EXOC6B: variants seen among roughly 807,000 people sequenced by gnomAD.
EXOC6B encodes the protein exocyst complex component 6B, also known as SEC15 homolog B.
EXOC6B carries 54 observed loss-of-function variants against 113.5 expected under a neutral mutation model. The observed-to-expected ratio is 0.48, with a 90% CI of 0.38 to 0.60. The LOEUF is 0.60. Among genes scored for constraint, EXOC6B ranks in the 20% least tolerant of loss-of-function variants. The probability of loss-of-function intolerance (pLI) is 0.00; values close to 1 mark genes in which losing one functional copy is unlikely to be tolerated. For synonymous variants in EXOC6B, 357 were observed against 339.0 expected, an observed-to-expected ratio of 1.05 and a Z score of -0.58; for missense variants, 797 against 977.5, an observed-to-expected ratio of 0.82 and a Z score of 2.46.
At chr2:72,704,162 G>C (rs1024464188) in intron 6 of EXOC6B, among the ~76,000 whole-genome samples, 2 of 149,618 alleles carry the variant, frequency 1.3e-5, no homozygotes, top group African/African-American at 2.5e-5. Context: ...TAGAACTCAG[G>C]ATTAAGAATC....
rs549638394 is a variant in EXOC6B at position 72,526,191 on chromosome 2, T to C, written c.916-11065A>G. Among the ~76,000 whole-genome samples the C allele has an allele frequency of 2.0e-4, 30 of 152,084 alleles. 1 individual carries two copies. In the South Asian group the frequency reaches 4.8e-3, roughly 24 times the overall value. ...CTCTGAACAATTTCTAAAGGGCCAATAGGAAAATGTGGCATTTAAAAATGT... is the reference window on the plus strand; with the variant it reads ...CTCTGAACAATTTCTAAAGGGCCAACAGGAAAATGTGGCATTTAAAAATGT... On this transcript the variant is annotated intron_variant, in intron 8 of 21. Coordinates refer to ENST00000272427, the MANE Select transcript of EXOC6B (RefSeq NM_015189.3).
chr2:72,389,301 C>T (rs1246561088), intron 18 of EXOC6B, among the ~76,000 whole-genome samples: 1 of 151,892 alleles, frequency 6.6e-6, no homozygotes, highest in African/African-American at 2.4e-5. Context: ...TTATATTACA[C>T]AATTCCATAT....
intron 6 of EXOC6B, among the ~76,000 whole-genome samples, chr2:72,689,794 G>C (rs1433758273): frequency 6.6e-6 from 1 of 152,156 alleles, no homozygotes; most frequent in Non-Finnish European, 1.5e-5. Flanking sequence ...GCAGCACAGG[G>C]GACATAGCTA....
chr2:72,290,964 T>G (rs958994586), intron 20 of EXOC6B, among the ~76,000 whole-genome samples: 2 of 152,194 alleles, frequency 1.3e-5, no homozygotes, highest in Admixed American at 1.3e-4. Flanking sequence ...AAAATCTGAA[T>G]TTTTCTTTAG....
At chr2:72,500,669 A>G (rs1700269806) in intron 11 of EXOC6B, among the ~76,000 whole-genome samples, 1 of 152,206 alleles carries the variant, frequency 6.6e-6, no homozygotes, top group Admixed American at 6.5e-5. Context: ...TCCATGTATA[A>G]CCTCATATCA....
intron 6 of EXOC6B, among the ~76,000 whole-genome samples, chr2:72,654,648 C>A (rs947765973): frequency 1.3e-5 from 2 of 152,118 alleles, no homozygotes; most frequent in Non-Finnish European, 2.9e-5. Context: ...AATGAGGAAT[C>A]TTTTCTTTCT....
intron 1 of EXOC6B, among the ~76,000 whole-genome samples, chr2:72,805,265 CTT>C (rs1444287961): frequency 1.3e-5 from 2 of 152,124 alleles, no homozygotes; most frequent in Non-Finnish European, 2.9e-5. Context: ...TTAGAATTAA[CTT>C]ATAATAAATT....
intron 2 of EXOC6B, among the ~76,000 whole-genome samples, chr2:72,737,465 G>C (rs1681039369): frequency 6.6e-6 from 1 of 152,156 alleles, no homozygotes; most frequent in Admixed American, 6.5e-5. Flanking sequence ...CTCTTGAATA[G>C]TGTCTATGAG....
At chr2:72,305,322 GTGTATATGTATA>G (rs3036342) in intron 20 of EXOC6B, among the ~76,000 whole-genome samples, 2,732 of 144,604 alleles carry the variant, frequency 0.019, 78 homozygotes, top group African/African-American at 0.061. Flanking sequence ...ATATGGGTGT[GTGTATATGTATA>G]TGTATATGTA....
chr2:72,653,365 A>G (rs1207644921), intron 6 of EXOC6B, among the ~76,000 whole-genome samples: 13 of 126,734 alleles, frequency 1.0e-4, no homozygotes, highest in Admixed American at 2.9e-4. Flanking sequence ...ATGAGAACAC[A>G]TGGACACAGG....
At chr2:72,641,417 G>A (rs1246580877) in intron 6 of EXOC6B, among the ~76,000 whole-genome samples, 3 of 152,258 alleles carry the variant, frequency 2.0e-5, no homozygotes, top group Non-Finnish European at 4.4e-5. Flanking sequence ...TTTATCCCAC[G>A]CCTGGATTGG....
intron 1 of EXOC6B, among the ~76,000 whole-genome samples, chr2:72,817,852 T>A (rs1042755457): frequency 6.6e-6 from 1 of 152,310 alleles, no homozygotes; most frequent in East Asian, 1.9e-4. Flanking sequence ...ATTACCATAT[T>A]GCATGCCATA....
intron 1 of EXOC6B, among the ~76,000 whole-genome samples, chr2:72,752,916 C>T (rs1682155667): frequency 6.6e-6 from 1 of 152,004 alleles, no homozygotes; most frequent in South Asian, 2.1e-4. Context: ...TTCAATAATT[C>T]TTCTTCTTCC....
intron 20 of EXOC6B, among the ~76,000 whole-genome samples, chr2:72,274,067 G>T (rs1298297980): frequency 6.6e-6 from 1 of 152,080 alleles, no homozygotes; most frequent in Admixed American, 6.6e-5. Context: ...AGGAAGGCAG[G>T]TACTGAGAAA....
intron 6 of EXOC6B, among the ~76,000 whole-genome samples, chr2:72,595,160 C>T (rs1209387912): frequency 6.6e-6 from 1 of 151,692 alleles, no homozygotes; most frequent in African/African-American, 2.4e-5. Flanking sequence ...ACTTGGGAGG[C>T]TGAGGCAGGA....
intron 19 of EXOC6B, among the ~76,000 whole-genome samples, chr2:72,373,080 T>C (rs1042160320): frequency 5.3e-5 from 8 of 151,220 alleles, no homozygotes; most frequent in African/African-American, 1.9e-4. Context: ...TTTTTTTTTT[T>C]TTGAGATGGA....
chr2:72,414,666 T>A (rs1024553744), intron 18 of EXOC6B, among the ~76,000 whole-genome samples: 1 of 152,224 alleles, frequency 6.6e-6, no homozygotes, highest in African/African-American at 2.4e-5. Context: ...TGCTTAGTCA[T>A]TTTTTGGTGC....
At chr2:72,735,392 T>C in intron 2 of EXOC6B, among the ~76,000 whole-genome samples, 1 of 152,246 alleles carries the variant, frequency 6.6e-6, no homozygotes, top group East Asian at 1.9e-4. Flanking sequence ...TTGTTTTCTA[T>C]TCAATTCGAT....
intron 7 of EXOC6B, among the ~76,000 whole-genome samples, chr2:72,572,385 T>C (rs1704568292): frequency 6.6e-6 from 1 of 152,184 alleles, no homozygotes; most frequent in South Asian, 2.1e-4. Flanking sequence ...TCAAGAAACA[T>C]TGTTGGACAA....
Sources: allele counts gnomAD v4.1 joint callset (sites outside exome capture counted in the v4.1 genomes callset), GRCh38; gene constraint gnomAD v4.1.1; transcripts MANE v1.5; gene names NCBI Gene and HGNC (gene_info 2026-07-23, HGNC 2026-07-21).